Variants in XPA observed in about 807,000 individuals in gnomAD.
The protein encoded by XPA is DNA repair protein complementing XP-A cells.
In XPA, 27 loss-of-function variants were observed where a neutral mutation model predicts 35.7. The observed-to-expected ratio is 0.76, with a 90% CI of 0.56 to 1.04. XPA has a LOEUF of 1.04. Among genes scored for constraint, XPA ranks in the 50% least tolerant of loss-of-function variants. XPA has a pLI of 0.00. For missense variants in XPA, 354 were observed against 342.7 expected (o/e 1.03, Z -0.26); for synonymous variants, 133 against 118.4 (o/e 1.12, Z -0.80).
At chr9:97,654,823 A>G in the XPA span, 47 of 1,427,846 alleles carry the variant, frequency 3.3e-5, no homozygotes, top group Middle Eastern at 3.5e-4. Flanking sequence ...ATTCTTGTCT[A>G]TTACAACTTA....
chr9:97,694,857 T>G (rs572602415), intron 1 of XPA, among the ~76,000 whole-genome samples: 1 of 152,158 alleles, frequency 6.6e-6, no homozygotes, highest in South Asian at 2.1e-4. Context: ...ACAACCCAAA[T>G]AGCCACCAAA....
chr9:97,684,885 A>G lies in XPA; in HGVS notation c.673+38T>C, dbSNP rs1160705096. The G allele has an allele frequency of 2.6e-6, 4 of 1,558,278 alleles. No individual in the cohort carries two copies. In the South Asian group the frequency reaches 4.4e-5, roughly 17 times the overall value. Reference sequence around the variant, plus strand: ...GCTAAAGGCTTTTTGCAAAATGGTAAAACACAATCCTTCACGATATAAAAT... The same window carrying G: ...GCTAAAGGCTTTTTGCAAAATGGTAGAACACAATCCTTCACGATATAAAAT... On this transcript the variant is annotated intron_variant, in intron 5 of 5. Transcript: ENST00000375128.
chr9:97,692,537 T>C (rs1828925235), intron 2 of XPA, among the ~76,000 whole-genome samples: 1 of 152,040 alleles, frequency 6.6e-6, no homozygotes, highest in African/African-American at 2.4e-5. Flanking sequence ...CTTTGAAAAA[T>C]TTACCAGGAT....
At chr9:97,671,210 T>A, downstream of XPA, 1 of 1,553,334 alleles carries the variant, frequency 6.4e-7, no homozygotes, top group South Asian at 1.2e-5. Flanking sequence ...GGGTCATTTT[T>A]TCCTCATGTC....
chr9:97,685,228 A>G (rs982526970), intron 4 of XPA, among the ~76,000 whole-genome samples, 188 bp from the exon 5 acceptor site: 5 of 152,196 alleles, frequency 3.3e-5, no homozygotes, highest in African/African-American at 1.2e-4. Flanking sequence ...ATCTATCTAA[A>G]CCTATGAAAC....
intron 2 of XPA, among the ~76,000 whole-genome samples, chr9:97,691,910 T>A (rs1278198452): frequency 1.4e-5 from 2 of 146,858 alleles, no homozygotes; most frequent in African/African-American, 4.9e-5. Flanking sequence ...TATATATATA[T>A]ATATATGTAA....
intron 5 of XPA, 52 bp from the exon 6 acceptor site, chr9:97,675,639 C>G: frequency 6.2e-7 from 1 of 1,610,136 alleles, no homozygotes; most frequent in Non-Finnish European, 8.5e-7. Flanking sequence ...TCAGGTGAAT[C>G]CAAAAATCCA....
chr9:97,691,886 A>AATATAT lies in XPA; in HGVS notation c.283+1757_283+1762dup, dbSNP rs55944336. ...GACAGAGCAAGGCTCTTTCTAAATA[A>AATATAT]ATATATATATATATATATATATATA... On this transcript the variant is annotated intron_variant, in intron 2 of 5. Coordinates refer to ENST00000375128, the MANE Select transcript of XPA (RefSeq NM_000380.4). Among the ~76,000 whole-genome samples the AATATAT allele has an allele frequency of 3.6e-3, 447 of 124,640 alleles. 1 individual carries two copies. The highest frequency in any genetic ancestry group is 0.016 in the South Asian group (65 of 3,968). The allele number at this position is 124,640 out of a possible 152,430, so 81.8% of individuals were successfully genotyped here. A position where few individuals can be genotyped will look rare whatever the true frequency, so the allele number is the denominator to read the frequency against.
chr9:97,665,281 G>C, the XPA span, among the ~76,000 whole-genome samples: 1 of 152,224 alleles, frequency 6.6e-6, no homozygotes, highest in Non-Finnish European at 1.5e-5. Context: ...TAAACTCTCA[G>C]AAAACTAACC....
intron 2 of XPA, among the ~76,000 whole-genome samples, chr9:97,691,843 A>G (rs1190816280): frequency 6.7e-5 from 10 of 150,198 alleles, no homozygotes; most frequent in Admixed American, 1.3e-4. Flanking sequence ...AGATCATGCC[A>G]CTGCACTCCA....
intron 2 of XPA, among the ~76,000 whole-genome samples, chr9:97,693,056 T>TC (rs1828938951): frequency 6.7e-6 from 1 of 148,392 alleles, no homozygotes; most frequent in South Asian, 2.1e-4. Context: ...AGGTCTTTTT[T>TC]TTTTTTTTTT....
At chr9:97,688,127 CTG>C (rs957156308) in intron 3 of XPA, among the ~76,000 whole-genome samples, 5 of 152,198 alleles carry the variant, frequency 3.3e-5, no homozygotes, top group African/African-American at 1.2e-4. Context: ...GAATGGAGGA[CTG>C]TGTTCCTGAT....
intron 1 of XPA, among the ~76,000 whole-genome samples, chr9:97,696,342 G>C (rs774312644): frequency 3.3e-5 from 5 of 152,212 alleles, no homozygotes; most frequent in African/African-American, 1.2e-4. Flanking sequence ...AAGATTATTA[G>C]TTGACCCCAG....
the XPA span, among the ~76,000 whole-genome samples, chr9:97,667,195 A>T: frequency 6.6e-6 from 1 of 152,178 alleles, no homozygotes; most frequent in African/African-American, 2.4e-5. Context: ...GTATTTCTGT[A>T]GGAGTCTCTG....
chr9:97,674,837 C>T (rs1472823327), downstream of XPA: 1 of 397,356 alleles, frequency 2.5e-6, no homozygotes, highest in Non-Finnish European at 4.9e-6. Flanking sequence ...CCATTTTAAT[C>T]CAGCATTTAA....
At chr9:97,683,278 T>C (rs917178222) in intron 5 of XPA, among the ~76,000 whole-genome samples, 1 of 152,186 alleles carries the variant, frequency 6.6e-6, no homozygotes, top group Non-Finnish European at 1.5e-5. Flanking sequence ...TACTTTATCT[T>C]TCAGGGTTCT....
chr9:97,665,678 T>C, the XPA span, among the ~76,000 whole-genome samples: 1 of 152,194 alleles, frequency 6.6e-6, no homozygotes, highest in Non-Finnish European at 1.5e-5. Flanking sequence ...TAAACTATTA[T>C]TTGGGTCAAA....
At chr9:97,678,791 A>G (rs1317635138) in intron 5 of XPA, among the ~76,000 whole-genome samples, 1 of 152,178 alleles carries the variant, frequency 6.6e-6, no homozygotes, top group Non-Finnish European at 1.5e-5. Context: ...TCCAGATATG[A>G]GGCCCGGAGA....
intron 5 of XPA, among the ~76,000 whole-genome samples, chr9:97,676,592 G>A (rs1828373302): frequency 6.6e-6 from 1 of 152,080 alleles, no homozygotes; most frequent in African/African-American, 2.4e-5. Flanking sequence ...AATACTACTT[G>A]AACCTTATTT....
Sources: gnomAD v4.1 joint callset for allele counts (sites outside exome capture counted in the v4.1 genomes callset) on GRCh38, gnomAD v4.1.1 for gene constraint, MANE v1.5 for transcripts, NCBI Gene and HGNC (gene_info 2026-07-23, HGNC 2026-07-21) for gene names.